NEGR1: variants seen among roughly 807,000 people sequenced by gnomAD.
NEGR1 encodes the protein neuronal growth regulator 1.
Under a neutral mutation model 40.9 loss-of-function variants are expected in NEGR1, and 10 were observed. The ratio of observed to expected loss-of-function variants is 0.24; its 90% CI spans 0.15 to 0.42. NEGR1 has a LOEUF of 0.42. Among genes scored for constraint, NEGR1 ranks in the 10% least tolerant of loss-of-function variants. The pLI, the probability that NEGR1 is intolerant of heterozygous loss-of-function variation, is 1.00. For missense variants in NEGR1, 352 were observed against 438.9 expected (o/e 0.80, Z 1.77); for synonymous variants, 185 against 166.8 (o/e 1.11, Z -0.84).
At chr1:72,225,648 T>C (rs1290583186) in intron 1 of NEGR1, among the ~76,000 whole-genome samples, 1 of 151,522 alleles carries the variant, frequency 6.6e-6, no homozygotes. Flanking sequence ...ATTAGGCATA[T>C]ATTCAACATC....
At chr1:71,552,839 T>C (rs1186415710) in intron 6 of NEGR1, among the ~76,000 whole-genome samples, 1 of 151,466 alleles carries the variant, frequency 6.6e-6, no homozygotes, top group African/African-American at 2.4e-5. Context: ...TAATTTGCTT[T>C]ACAGCATATT....
intron 1 of NEGR1, among the ~76,000 whole-genome samples, chr1:72,173,869 G>T (rs974069631): frequency 1.3e-5 from 2 of 152,118 alleles, no homozygotes; most frequent in African/African-American, 4.8e-5. Context: ...CTTGAACCCG[G>T]GAGGTGGAGA....
At position 71,751,999 on chromosome 1, in the gene NEGR1, A is replaced by G. The variant is rs1655585527; in HGVS notation, c.535+24173T>C. ...GTTAACTGGATTGGCAAAATTGAAA[A>G]CATGTTGATATATTTAAATAATTAG... On this transcript the variant is annotated intron_variant, in intron 3 of 6. Transcript: ENST00000357731. 2.0e-5 allele frequency among the ~76,000 whole-genome samples: 3 copies of G among 152,218 alleles called. 1 individual carries two copies. The South Asian group carries it at 6.2e-4, about 31-fold the overall frequency.
Position 71,632,914 on chromosome 1 carries a change from G to A in NEGR1, c.668-21768C>T, listed in dbSNP as rs201238840. On this transcript the variant is annotated intron_variant, in intron 4 of 6. Coordinates refer to ENST00000357731, the MANE Select transcript of NEGR1 (RefSeq NM_173808.3). The stretch of plus-strand genomic sequence containing the variant: ...TTACAGGCTAGATAAAAATAACAAA[G>A]TGATAGGTAAAACTTCTGTCAATTC... 2.4e-4 allele frequency among the ~76,000 whole-genome samples: 36 copies of A among 152,094 alleles called. No individual in the cohort carries two copies. In the East Asian group the frequency reaches 2.9e-3, roughly 12 times the overall value.
At chr1:72,206,676 A>C (rs2100455892) in intron 1 of NEGR1, among the ~76,000 whole-genome samples, 1 of 152,226 alleles carries the variant, frequency 6.6e-6, no homozygotes, top group South Asian at 2.1e-4. Flanking sequence ...GAAACAAGTC[A>C]TGTTTCATTT....
At chr1:71,601,538 C>T (rs377429380) in intron 5 of NEGR1, among the ~76,000 whole-genome samples, 35 of 152,178 alleles carry the variant, frequency 2.3e-4, no homozygotes, top group Admixed American at 3.3e-4. Context: ...TTCACAATAG[C>T]GAAGTCATGG....
At chr1:71,469,661 A>G (rs1308629137) in intron 6 of NEGR1, among the ~76,000 whole-genome samples, 1 of 152,078 alleles carries the variant, frequency 6.6e-6, no homozygotes, top group Non-Finnish European at 1.5e-5. Flanking sequence ...ACAGAGTGAA[A>G]GGGACAACTT....
At chr1:71,555,244 G>A (rs981896598) in intron 6 of NEGR1, among the ~76,000 whole-genome samples, 4 of 53,686 alleles carry the variant, frequency 7.5e-5, no homozygotes, top group African/African-American at 2.7e-4. Flanking sequence ...AGGCAGGTAA[G>A]TATTCCTTTC....
intron 1 of NEGR1, among the ~76,000 whole-genome samples, chr1:72,026,233 T>C (rs2100429716): frequency 6.6e-6 from 1 of 151,322 alleles, no homozygotes; most frequent in Non-Finnish European, 1.5e-5. Flanking sequence ...ACTGATTTAC[T>C]GTTAAAAATG....
At chr1:72,000,137 T>C (rs1646544933) in intron 1 of NEGR1, among the ~76,000 whole-genome samples, 1 of 152,102 alleles carries the variant, frequency 6.6e-6, no homozygotes, top group Non-Finnish European at 1.5e-5. Context: ...TGGCATATCA[T>C]AGTGATGAAT....
chr1:71,570,887 G>C (rs1053165914), intron 6 of NEGR1: 1 of 151,960 alleles, frequency 6.6e-6, no homozygotes, highest in African/African-American at 2.4e-5. Flanking sequence ...TATTGTGTTT[G>C]TGTGATTTTA....
chr1:71,519,493 A>G (rs1647138073), intron 6 of NEGR1, among the ~76,000 whole-genome samples: 1 of 71,218 alleles, frequency 1.4e-5, no homozygotes, highest in Non-Finnish European at 2.7e-5. Flanking sequence ...AAAACCAAAC[A>G]CCGCATATTC....
intron 6 of NEGR1, among the ~76,000 whole-genome samples, chr1:71,503,486 G>A (rs1448478527): frequency 1.3e-5 from 2 of 152,130 alleles, no homozygotes; most frequent in African/African-American, 4.8e-5. Context: ...GAAATACCTG[G>A]AGACCATGGG....
intron 2 of NEGR1, among the ~76,000 whole-genome samples, chr1:71,920,346 A>C (rs1645703063): frequency 6.6e-6 from 1 of 152,166 alleles, no homozygotes; most frequent in South Asian, 2.1e-4. Flanking sequence ...GTAGCTCCTC[A>C]TTGAGCTCTG....
intron 2 of NEGR1, among the ~76,000 whole-genome samples, chr1:71,865,285 C>T (rs1473193420): frequency 3.3e-5 from 5 of 152,084 alleles, no homozygotes; most frequent in Admixed American, 6.6e-5. Flanking sequence ...CACATGCACA[C>T]GTATGTATAT....
chr1:72,252,927 T>G (rs9424976), intron 1 of NEGR1, among the ~76,000 whole-genome samples: 3 of 152,070 alleles, frequency 2.0e-5, no homozygotes, highest in Admixed American at 2.0e-4. Flanking sequence ...GAAAAATGAA[T>G]TGATGTTGCT....
chr1:71,918,216 C>CA lies in NEGR1; in HGVS notation c.409+16862dup, dbSNP rs1159908343. Among the ~76,000 whole-genome samples, 64 of 24,752 alleles carry CA rather than the reference C, an allele frequency of 2.6e-3. 16 individuals carry two copies. The highest frequency in any genetic ancestry group is 3.6e-3 in the Non-Finnish European group (52 of 14,606). The allele number at this position is 24,752 out of a possible 152,430, so 16.2% of individuals were successfully genotyped here. A position where few individuals can be genotyped will look rare whatever the true frequency, so the allele number is the denominator to read the frequency against. On this transcript the variant is annotated intron_variant, in intron 2 of 6. Transcript: ENST00000357731. ...TGGGCGACAGAACGAGACTCTGTCT[C>CA]AAAAAAAAAAAAAAAAAAAAAAAAA...
chr1:72,261,094 T>A (rs1201264816), intron 1 of NEGR1, among the ~76,000 whole-genome samples: 1 of 152,082 alleles, frequency 6.6e-6, no homozygotes, highest in Admixed American at 6.6e-5. Context: ...GAAAAAATCA[T>A]GTTTTACAGT....
intron 5 of NEGR1, 57 bp from the exon 6 acceptor site, chr1:71,593,025 T>C (rs1649559071): frequency 2.2e-6 from 3 of 1,341,320 alleles, no homozygotes; most frequent in South Asian, 2.5e-5. Context: ...GTTTCATTTT[T>C]TTATCTTAGC....
Sources: allele counts gnomAD v4.1 joint callset (sites outside exome capture counted in the v4.1 genomes callset), GRCh38; gene constraint gnomAD v4.1.1; transcripts MANE v1.5; gene names NCBI Gene and HGNC (gene_info 2026-07-23, HGNC 2026-07-21).